Variants in PDZD2 observed in about 807,000 individuals in gnomAD.
PDZD2 encodes PDZ domain containing 2.
PDZD2 carries 90 observed loss-of-function variants against 220.7 expected under a neutral mutation model. That is an observed-to-expected ratio of 0.41 (90% CI 0.34 to 0.49). The LOEUF (loss-of-function observed/expected upper bound fraction) is 0.49. PDZD2 is among the 20% of genes least tolerant of loss of function. The pLI, the probability that PDZD2 is intolerant of heterozygous loss-of-function variation, is 0.28. For synonymous variants in PDZD2, 1,375 were observed against 1,450.5 expected, an observed-to-expected ratio of 0.95 and a Z score of 1.18; for missense variants, 3,174 against 3,608.5, an observed-to-expected ratio of 0.88 and a Z score of 3.08.
chr5:32,002,470 G>C (rs189045121), intron 5 of PDZD2, among the ~76,000 whole-genome samples: 116 of 152,146 alleles, frequency 7.6e-4, no homozygotes, highest in African/African-American at 2.5e-3. Context: ...CTGTCAGCTG[G>C]TGAATTCCAC....
At chr5:31,760,113 G>C (rs771884674) in intron 1 of PDZD2, among the ~76,000 whole-genome samples, 1 of 152,138 alleles carries the variant, frequency 6.6e-6, no homozygotes, top group Non-Finnish European at 1.5e-5. Flanking sequence ...AGCAGACCCA[G>C]AGTGGGAGGA....
At chr5:31,953,908 C>A (rs761466260) in intron 2 of PDZD2, among the ~76,000 whole-genome samples, 2 of 152,078 alleles carry the variant, frequency 1.3e-5, no homozygotes, top group Non-Finnish European at 2.9e-5. Context: ...CTCGGCCTCC[C>A]AAAGTGCTGG....
At chr5:31,982,817 G>T (rs1750405620) in intron 2 of PDZD2, among the ~76,000 whole-genome samples, 1 of 152,156 alleles carries the variant, frequency 6.6e-6, no homozygotes, top group Admixed American at 6.6e-5. Flanking sequence ...GCAAGAAATG[G>T]TTGGAGTGAA....
intron 1 of PDZD2, among the ~76,000 whole-genome samples, chr5:31,652,180 A>G (rs1351498832): frequency 6.7e-6 from 1 of 150,046 alleles, no homozygotes; most frequent in African/African-American, 2.4e-5. Context: ...TGTTTTAGAG[A>G]CAGTGTCTTG....
At chr5:32,006,681 C>CTTTTTTTT (rs76703572) in intron 5 of PDZD2, among the ~76,000 whole-genome samples, 2 of 116,676 alleles carry the variant, frequency 1.7e-5, no homozygotes, top group African/African-American at 4.3e-5. Flanking sequence ...GGCTCAACAC[C>CTTTTTTTT]TTTTTTTTTT....
At chr5:31,855,315 C>A in intron 2 of PDZD2, 1 of 160,106 alleles carries the variant, frequency 6.2e-6, no homozygotes, top group Non-Finnish European at 1.3e-5. Context: ...CCCTTCTCGT[C>A]TCCCGGATCA....
At chr5:31,758,833 A>T (rs147011328) in intron 1 of PDZD2, among the ~76,000 whole-genome samples, 1 of 152,128 alleles carries the variant, frequency 6.6e-6, no homozygotes, top group African/African-American at 2.4e-5. Context: ...CAAAGTATGG[A>T]AAGTGTATGG....
chr5:31,641,529 T>C (rs1744945846), intron 1 of PDZD2, among the ~76,000 whole-genome samples: 1 of 148,838 alleles, frequency 6.7e-6, no homozygotes, highest in Non-Finnish European at 1.5e-5. Flanking sequence ...CTCCAGATAG[T>C]AGGGAGATGT....
intron 21 of PDZD2, among the ~76,000 whole-genome samples, chr5:32,096,373 A>G (rs978394771): frequency 6.6e-6 from 1 of 151,940 alleles, no homozygotes; most frequent in South Asian, 2.1e-4. Context: ...CTGGAGTGCA[A>G]CTGGCATGAT....
chr5:31,818,283 G>A (rs7702245), intron 2 of PDZD2, among the ~76,000 whole-genome samples: 4,281 of 152,010 alleles, frequency 0.028, 197 homozygotes, highest in African/African-American at 0.095. Flanking sequence ...CTCAATTTTC[G>A]TTTTTTACTG....
intron 3 of PDZD2, among the ~76,000 whole-genome samples, chr5:31,988,643 C>A (rs1324141607): frequency 5.9e-5 from 9 of 152,204 alleles, no homozygotes; most frequent in African/African-American, 2.2e-4. Context: ...CAGAAAGTTG[C>A]AAGCTTCTCA....
At position 31,678,833 on chromosome 5, in the gene PDZD2, C is replaced by A. The variant is rs908707498; in HGVS notation, c.-361+39396C>A. The stretch of plus-strand genomic sequence containing the variant: ...TGTTGGCCAGGCTGGTCTTGAACTC[C>A]TAGCCTCAAGCAATCTGCCCACCTT... On this transcript the variant is annotated intron_variant, in intron 1 of 24. Coordinates refer to ENST00000438447, the MANE Select transcript of PDZD2 (RefSeq NM_178140.4). Among the ~76,000 whole-genome samples, 3 of 152,084 alleles carry A rather than the reference C, an allele frequency of 2.0e-5. No homozygotes were observed. The South Asian group carries it at 6.2e-4, about 32-fold the overall frequency.
At chr5:32,080,581 A>T (rs1160515005) in intron 19 of PDZD2, among the ~76,000 whole-genome samples, 2 of 152,086 alleles carry the variant, frequency 1.3e-5, no homozygotes, top group African/African-American at 4.8e-5. Context: ...TTTTTTCACT[A>T]AACCAACATT....
chr5:31,665,342 A>T (rs1745941932), intron 1 of PDZD2, among the ~76,000 whole-genome samples: 2 of 152,174 alleles, frequency 1.3e-5, no homozygotes, highest in African/African-American at 4.8e-5. Flanking sequence ...GTATTCCATC[A>T]GGGACAAGCG....
At chr5:31,921,951 C>T (rs1249439005) in intron 2 of PDZD2, among the ~76,000 whole-genome samples, 1 of 152,142 alleles carries the variant, frequency 6.6e-6, no homozygotes, top group African/African-American at 2.4e-5. Context: ...GTTGTTACTA[C>T]CAGAATTTGC....
intron 2 of PDZD2, among the ~76,000 whole-genome samples, chr5:31,951,357 T>C (rs1292501877): frequency 1.3e-5 from 2 of 152,186 alleles, no homozygotes; most frequent in African/African-American, 4.8e-5. Context: ...GTTGAGCCAC[T>C]GCACCTGGCC....
At chr5:31,805,507 A>G (rs1754662274) in intron 2 of PDZD2, among the ~76,000 whole-genome samples, 1 of 151,996 alleles carries the variant, frequency 6.6e-6, no homozygotes, top group African/African-American at 2.4e-5. Flanking sequence ...TTGCCTGTTC[A>G]CTCTTAATTG....
intron 2 of PDZD2, among the ~76,000 whole-genome samples, chr5:31,937,559 C>A (rs1024844127): frequency 6.6e-6 from 1 of 152,160 alleles, no homozygotes; most frequent in Admixed American, 6.5e-5. Flanking sequence ...GCATTTTAGT[C>A]CTGGAGGGCT....
chr5:32,093,638 GTCT>G (rs1743387852), intron 21 of PDZD2, among the ~76,000 whole-genome samples: 1 of 152,160 alleles, frequency 6.6e-6, no homozygotes, highest in Non-Finnish European at 1.5e-5. Flanking sequence ...ATTATATACT[GTCT>G]TCTTACAACA....
Sources: gnomAD v4.1 joint callset for allele counts (sites outside exome capture counted in the v4.1 genomes callset) on GRCh38, gnomAD v4.1.1 for gene constraint, MANE v1.5 for transcripts, NCBI Gene and HGNC (gene_info 2026-07-23, HGNC 2026-07-21) for gene names.